The following ADRA1A variants were observed in gnomAD, a reference collection of about 807,000 sequenced individuals.
ADRA1A encodes alpha-1A adrenergic receptor.
A neutral mutation model predicts 29.6 loss-of-function variants in ADRA1A; 31 were observed. The ratio of observed to expected loss-of-function variants is 1.05; its 90% CI spans 0.79 to 1.41. The LOEUF (loss-of-function observed/expected upper bound fraction) is 1.41. Ranked by LOEUF, ADRA1A falls within the 40% of genes most tolerant of loss-of-function variation. The pLI is 0.00. For missense variants in ADRA1A, 619 were observed against 601.1 expected (o/e 1.03, Z -0.31); for synonymous variants, 311 against 254.3 (o/e 1.22, Z -2.12).
chr8:26,770,003 A>C lies in ADRA1A; in HGVS notation c.*146T>G. The C allele has an allele frequency of 6.9e-7, 1 of 1,445,306 alleles. No individual in the cohort carries two copies. The highest frequency in any genetic ancestry group is 1.8e-5 in the South Asian group (1 of 56,512). The allele number at this position is 1,445,306 out of a possible 1,614,324, so 89.5% of individuals were successfully genotyped here. ...TTCCCTGTGCCCTACCCGCTGCCTG[A>C]TGAGTTGGGTCTACCACCCACCCCA... On this transcript the variant is annotated 3_prime_UTR_variant, in exon 3 of 3. Coordinates refer to ENST00000380573, the MANE Select transcript of ADRA1A (RefSeq NM_000680.4).
At chr8:26,782,902 A>G (rs994001980) in intron 2 of ADRA1A, among the ~76,000 whole-genome samples, 1 of 152,110 alleles carries the variant, frequency 6.6e-6, no homozygotes, top group Non-Finnish European at 1.5e-5. Flanking sequence ...TCACTTGTCC[A>G]AGCCAGAAAC....
intron 2 of ADRA1A, among the ~76,000 whole-genome samples, chr8:26,749,621 T>C (rs1015348780): frequency 6.6e-5 from 10 of 152,238 alleles, no homozygotes; most frequent in Non-Finnish European, 5.9e-5. Context: ...TATATCCACA[T>C]ATGGCATTTA....
chr8:26,844,707 T>C (rs1812074083), intron 2 of ADRA1A, among the ~76,000 whole-genome samples: 1 of 152,156 alleles, frequency 6.6e-6, no homozygotes, highest in Admixed American at 6.5e-5. Context: ...GAAGCTTACC[T>C]CCTATCATGT....
At chr8:26,861,170 C>A (rs1450157096) in intron 2 of ADRA1A, among the ~76,000 whole-genome samples, 1 of 152,126 alleles carries the variant, frequency 6.6e-6, no homozygotes, top group Non-Finnish European at 1.5e-5. Context: ...ATTACTCCTG[C>A]CTTCTTGAAA....
intron 2 of ADRA1A, among the ~76,000 whole-genome samples, chr8:26,813,885 G>A (rs1809584299): frequency 6.6e-6 from 1 of 152,142 alleles, no homozygotes. Context: ...GATGTTGACA[G>A]CTAACATTTT....
intron 2 of ADRA1A, among the ~76,000 whole-genome samples, chr8:26,758,016 C>T (rs1163202140): frequency 6.6e-6 from 1 of 152,190 alleles, no homozygotes; most frequent in Non-Finnish European, 1.5e-5. Flanking sequence ...TACTCTTGTT[C>T]TGGGCTGTCT....
At chr8:26,795,029 A>G (rs550377168) in intron 2 of ADRA1A, among the ~76,000 whole-genome samples, 1 of 152,162 alleles carries the variant, frequency 6.6e-6, no homozygotes, top group South Asian at 2.1e-4. Context: ...CTAACTTTGA[A>G]TTCTAAAAAA....
intron 2 of ADRA1A, among the ~76,000 whole-genome samples, chr8:26,859,529 T>C (rs1813292542): frequency 6.6e-6 from 1 of 152,200 alleles, no homozygotes; most frequent in Admixed American, 6.5e-5. Context: ...TCTCCTTAAC[T>C]AGACTGTGAG....
rs1807449392 is a variant in ADRA1A at position 26,787,102 on chromosome 8, G to A, written c.884-16436C>T. Among the ~76,000 whole-genome samples, 1 of 152,152 alleles carries A rather than the reference G, an allele frequency of 6.6e-6. No individual in the cohort carries two copies. Among genetic ancestry groups the A allele is most frequent in the Non-Finnish European group, 1.5e-5 (1 of 68,036 alleles). ...ATTTGCAACTAAGGAAAATAGCTGA[G>A]CTCAGATTCAAATTCAGGCTTCATG... On this transcript the variant is annotated intron_variant, in intron 2 of 2. Coordinates refer to ENST00000380573, the MANE Select transcript of ADRA1A (RefSeq NM_000680.4). The surrounding 1 kb of genome is among the most constrained non-coding windows in gnomAD (Gnocchi z 4.2).
In ADRA1A at chr8:26,775,768, C is replaced by A. The variant is rs144804046; in HGVS notation, c.884-5102G>T. Among the ~76,000 whole-genome samples the A allele has an allele frequency of 1.1e-4, 16 of 152,156 alleles. No homozygotes were observed. The highest frequency in any genetic ancestry group is 2.1e-4 in the Non-Finnish European group (14 of 68,038). On this transcript the variant is annotated intron_variant, in intron 2 of 2. Coordinates refer to ENST00000380573, the MANE Select transcript of ADRA1A (RefSeq NM_000680.4). The surrounding 1 kb of genome is among the most constrained non-coding windows in gnomAD (Gnocchi z 4.1). ...GCCTCTTTCCTGACCCTCTGGACAC[C>A]CTGACCAACTTACGCCGGTCAGACT...
chr8:26,767,211 C>T (rs1025428198), downstream of ADRA1A, among the ~76,000 whole-genome samples: 2 of 152,106 alleles, frequency 1.3e-5, no homozygotes, highest in Non-Finnish European at 2.9e-5. Flanking sequence ...TTAGACAATC[C>T]CAAAGCAACT....
intron 2 of ADRA1A, chr8:26,854,175 G>A (rs1812833577): frequency 1.3e-5 from 2 of 152,314 alleles, no homozygotes; most frequent in African/African-American, 4.8e-5. Context: ...GAAGAAGGTA[G>A]TGGAAAGAGG....
In ADRA1A at chr8:26,769,068, C is replaced by T. The variant is rs1403216800; in HGVS notation, c.*1081G>A. On this transcript the variant is annotated 3_prime_UTR_variant, in exon 3 of 3. Coordinates refer to ENST00000380573, the MANE Select transcript of ADRA1A (RefSeq NM_000680.4). ...AATAATGTACTTGGATCATAAGGCT[C>T]ATTCCAACATGCCACAGGTGAAGCT... The T allele has an allele frequency of 2.0e-6, 2 of 985,290 alleles. No homozygotes were observed. The highest frequency in any genetic ancestry group is 1.2e-6 in the Non-Finnish European group (1 of 829,916). 61.0% of individuals were successfully genotyped at this position (985,290 alleles called of 1,614,324 possible).
At chr8:26,808,230 T>C (rs1323899711) in intron 2 of ADRA1A, among the ~76,000 whole-genome samples, 1 of 152,226 alleles carries the variant, frequency 6.6e-6, no homozygotes, top group Non-Finnish European at 1.5e-5. Context: ...AAAGATTGCA[T>C]ACTACATATA....
At chr8:26,773,155 G>C (rs1806300723) in intron 2 of ADRA1A, among the ~76,000 whole-genome samples, 1 of 152,186 alleles carries the variant, frequency 6.6e-6, no homozygotes, top group South Asian at 2.1e-4. Flanking sequence ...GTTACTGGTA[G>C]GTTTGAAATT....
At position 26,867,061 on chromosome 8, in the gene ADRA1A, C is replaced by A. The variant is rs1490812908; in HGVS notation, c.-812G>T. On this transcript the variant is annotated 5_prime_UTR_variant, in exon 1 of 3. Coordinates refer to ENST00000380573, the MANE Select transcript of ADRA1A (RefSeq NM_000680.4). ...GGACCGTGTCTCCGAGGCACCAAATCCTTGTCCTTTTGCACCCGCTGACTC... is the reference window on the plus strand; with the variant it reads ...GGACCGTGTCTCCGAGGCACCAAATACTTGTCCTTTTGCACCCGCTGACTC... 4 of 985,308 alleles carry A rather than the reference C, an allele frequency of 4.1e-6. No homozygotes were observed. Among genetic ancestry groups the A allele is most frequent in the Non-Finnish European group, 3.6e-6 (3 of 829,978 alleles). 61.0% of individuals were successfully genotyped at this position (985,308 alleles called of 1,614,324 possible). A position where few individuals can be genotyped will look rare whatever the true frequency, so the allele number is the denominator to read the frequency against.
At chr8:26,833,667 T>A (rs1811145112) in intron 2 of ADRA1A, among the ~76,000 whole-genome samples, 1 of 152,236 alleles carries the variant, frequency 6.6e-6, no homozygotes, top group Non-Finnish European at 1.5e-5. Flanking sequence ...TAGCACCATA[T>A]TGCTAAGGCA....
exon 3 of ADRA1A, chr8:26,756,542 C>T (rs1467551996): frequency 1.3e-6 from 2 of 1,542,102 alleles, no homozygotes; most frequent in Non-Finnish European, 1.7e-6. Context: ...CATGATCATT[C>T]CTTAAGTTAC....
downstream of ADRA1A, among the ~76,000 whole-genome samples, chr8:26,765,043 A>G (rs1805701661): frequency 6.6e-6 from 1 of 152,240 alleles, no homozygotes; most frequent in Non-Finnish European, 1.5e-5. Context: ...TTTGAAATGA[A>G]TAAGCCACAA....
Sources: allele counts gnomAD v4.1 joint callset (sites outside exome capture counted in the v4.1 genomes callset), GRCh38; gene constraint gnomAD v4.1.1; non-coding constraint Gnocchi (gnomAD v3.1); transcripts MANE v1.5; gene names NCBI Gene and HGNC (gene_info 2026-07-23, HGNC 2026-07-21).